The following ABCA4 variants were observed in gnomAD, a reference collection of about 807,000 sequenced individuals.
ABCA4 encodes ATP binding cassette subfamily A member 4, also known as retinal-specific phospholipid-transporting ATPase ABCA4.
Under a neutral mutation model 263.7 loss-of-function variants are expected in ABCA4, and 196 were observed. The observed-to-expected ratio is 0.74, with a 90% CI of 0.66 to 0.84. ABCA4 has a LOEUF of 0.84. ABCA4 is among the 40% of genes least tolerant of loss of function. The pLI is 0.00. For synonymous variants in ABCA4, 1,133 were observed against 1,094.2 expected (o/e 1.04, Z -0.70); for missense variants, 2,792 against 2,855.1 (o/e 0.98, Z 0.50).
intron 26 of ABCA4, among the ~76,000 whole-genome samples, chr1:94,034,693 G>A (rs1228929448): frequency 6.6e-6 from 1 of 151,514 alleles, no homozygotes; most frequent in African/African-American, 2.4e-5. Context: ...AGTGGCCTGG[G>A]TGACTTTAGG....
chr1:94,023,306 G>T (rs1001596448), intron 32 of ABCA4, 80 bp downstream of exon 32: 5 of 1,207,796 alleles, frequency 4.1e-6, no homozygotes, highest in Non-Finnish European at 6.0e-6. Flanking sequence ...ATGGCTGTGA[G>T]GTGTGCCTTT....
At chr1:94,089,106 G>C (rs1159432269) in intron 6 of ABCA4, among the ~76,000 whole-genome samples, 1 of 152,112 alleles carries the variant, frequency 6.6e-6, no homozygotes, top group Non-Finnish European at 1.5e-5. Context: ...TGAACACTTT[G>C]GAAAGCATCT....
intron 16 of ABCA4, 100 bp downstream of exon 16, chr1:94,055,011 A>G (rs1660933740): frequency 8.1e-7 from 1 of 1,237,956 alleles, no homozygotes; most frequent in Non-Finnish European, 1.2e-6. Context: ...GCTGGTTCTG[A>G]CAAAGAGCTT....
chr1:94,081,964 A>G (rs1209012412), intron 7 of ABCA4, among the ~76,000 whole-genome samples: 2 of 152,232 alleles, frequency 1.3e-5, no homozygotes, highest in Non-Finnish European at 2.9e-5. Flanking sequence ...GGGAATTTAT[A>G]AAACCATTAG....
chr1:94,092,243 T>C (rs1404797412), intron 6 of ABCA4, among the ~76,000 whole-genome samples: 1 of 152,110 alleles, frequency 6.6e-6, no homozygotes, highest in Non-Finnish European at 1.5e-5. Flanking sequence ...AAGGGAGGGA[T>C]GAGCTGCAGT....
chr1:94,083,739 C>A (rs1212797039), intron 6 of ABCA4, among the ~76,000 whole-genome samples: 2 of 152,182 alleles, frequency 1.3e-5, no homozygotes, highest in Non-Finnish European at 2.9e-5. Context: ...TGACACCAAA[C>A]AAGATTCCTG....
intron 1 of ABCA4, among the ~76,000 whole-genome samples, 166 bp downstream of exon 1, chr1:94,120,814 A>G (rs966018076): frequency 3.3e-5 from 5 of 152,146 alleles, no homozygotes; most frequent in African/African-American, 1.2e-4. Flanking sequence ...GCCCACAGAA[A>G]GGCCGTCCAG....
rs1658910943 is a variant in ABCA4 at position 93,993,023 on chromosome 1, C to A, written c.*214G>T. The A allele has an allele frequency of 1.6e-6, 1 of 618,312 alleles. No individual in the cohort carries two copies. Among genetic ancestry groups the A allele is most frequent in the African/African-American group, 1.8e-5 (1 of 54,170 alleles). The allele number at this position is 618,312 out of a possible 1,614,324, so 38.3% of individuals were successfully genotyped here. ...GAAGGATTTTGTATTTGTTTGGTTTCACCATCAGGTGTTCCAGGTGAGCAA... is the reference window on the plus strand; with the variant it reads ...GAAGGATTTTGTATTTGTTTGGTTTAACCATCAGGTGTTCCAGGTGAGCAA... On this transcript the variant is annotated 3_prime_UTR_variant, in exon 50 of 50. Transcript: ENST00000370225.
intron 15 of ABCA4, 65 bp from the exon 16 acceptor site, chr1:94,055,380 G>A: frequency 1.3e-6 from 2 of 1,537,234 alleles, no homozygotes; most frequent in Middle Eastern, 2.3e-4. Flanking sequence ...ACAGCACCCA[G>A]ATGCCCTCGA....
chr1:94,041,536 T>G, intron 22 of ABCA4, 134 bp from the exon 23 acceptor site: 3 of 895,140 alleles, frequency 3.4e-6, no homozygotes, highest in Admixed American at 4.6e-5. Flanking sequence ...CCAAGGGAAC[T>G]AATTCAGCAG....
intron 26 of ABCA4, among the ~76,000 whole-genome samples, chr1:94,035,170 G>A (rs1641463850): frequency 2.0e-5 from 3 of 152,098 alleles, no homozygotes; most frequent in African/African-American, 4.8e-5. Context: ...CTCCTGAGAG[G>A]GCCTATTTAT....
chr1:94,112,796 A>G (rs1662646310), intron 2 of ABCA4, among the ~76,000 whole-genome samples, 177 bp downstream of exon 2: 1 of 152,214 alleles, frequency 6.6e-6, no homozygotes, highest in Admixed American at 6.5e-5. Context: ...CCCTGTCTCT[A>G]AAGACTTTTT....
At chr1:94,120,516 A>G (rs1391631685) in intron 1 of ABCA4, among the ~76,000 whole-genome samples, 1 of 152,180 alleles carries the variant, frequency 6.6e-6, no homozygotes, top group South Asian at 2.1e-4. Flanking sequence ...AAATGCTAAC[A>G]TGTGAAAAAA....
At chr1:94,091,470 A>T (rs1661965174) in intron 6 of ABCA4, among the ~76,000 whole-genome samples, 1 of 152,010 alleles carries the variant, frequency 6.6e-6, no homozygotes, top group African/African-American at 2.4e-5. Flanking sequence ...TCAAATTCAC[A>T]TGAATTGTTT....
At chr1:94,090,037 C>T (rs1661930136) in intron 6 of ABCA4, among the ~76,000 whole-genome samples, 1 of 152,174 alleles carries the variant, frequency 6.6e-6, no homozygotes, top group Non-Finnish European at 1.5e-5. Flanking sequence ...CACACCCACA[C>T]TCACTCACGT....
intron 4 of ABCA4, 83 bp downstream of exon 4, chr1:94,108,494 C>T (rs1662501815): frequency 2.5e-6 from 4 of 1,598,684 alleles, no homozygotes; most frequent in East Asian, 4.5e-5. Context: ...TATTTTTCAC[C>T]AACTCTCCCT....
intron 42 of ABCA4, 134 bp from the exon 43 acceptor site, chr1:94,007,874 T>TGGCTC: frequency 1.3e-6 from 1 of 790,504 alleles, no homozygotes; most frequent in African/African-American, 1.7e-5. Context: ...ACGAGCCATA[T>TGGCTC]GTGGCTACTA....
chr1:94,019,127 T>C (rs892534295), intron 36 of ABCA4, among the ~76,000 whole-genome samples: 1 of 150,158 alleles, frequency 6.7e-6, no homozygotes, highest in Non-Finnish European at 1.5e-5. Context: ...TAAATTTAAC[T>C]GGGTGTCCTG....
Position 94,030,424 on chromosome 1 carries a change from T to C in ABCA4, c.4352+4A>G. The stretch of plus-strand genomic sequence containing the variant: ...TCTTAGGACAGGGGCGCGTAGGCAC[T>C]TACGGAAGCCACCCTTCCTTCAGGC... On this transcript the variant is annotated splice_donor_region_variant and intron_variant, in intron 29 of 49. Transcript: ENST00000370225. The C allele has an allele frequency of 6.2e-7, 1 of 1,614,124 alleles. No homozygotes were observed. The highest frequency in any genetic ancestry group is 8.5e-7 in the Non-Finnish European group (1 of 1,179,972).
Sources: allele counts gnomAD v4.1 joint callset (sites outside exome capture counted in the v4.1 genomes callset), GRCh38; gene constraint gnomAD v4.1.1; transcripts MANE v1.5; gene names NCBI Gene and HGNC (gene_info 2026-07-23, HGNC 2026-07-21).